APBB2: variants seen among roughly 807,000 people sequenced by gnomAD.
APBB2 encodes the protein amyloid beta precursor protein binding family B member 2.
Under a neutral mutation model 82.5 loss-of-function variants are expected in APBB2, and 38 were observed. That is an observed-to-expected ratio of 0.46 (90% CI 0.36 to 0.60). APBB2 has a LOEUF of 0.60. APBB2 is among the 20% of genes least tolerant of loss of function. The probability of loss-of-function intolerance (pLI) is 0.00; values close to 1 mark genes in which losing one functional copy is unlikely to be tolerated. For synonymous variants in APBB2, 341 were observed against 368.2 expected (o/e 0.93, Z 0.85); for missense variants, 772 against 972.3 (o/e 0.79, Z 2.74).
intron 2 of APBB2, among the ~76,000 whole-genome samples, chr4:41,136,034 T>C (rs1408867525): frequency 6.6e-6 from 1 of 152,228 alleles, no homozygotes. Flanking sequence ...CTGATTTTGC[T>C]TCATCTGCAA....
At chr4:40,855,689 T>C (rs963284219) in intron 12 of APBB2, among the ~76,000 whole-genome samples, 4 of 151,908 alleles carry the variant, frequency 2.6e-5, no homozygotes, top group Non-Finnish European at 5.9e-5. Context: ...TGAGCCGAGA[T>C]TGTGCCACTG....
rs561857557 is a variant in APBB2 at position 41,067,185 on chromosome 4, G to A, written c.-148-1512C>T. ...AGCACTTTGGGAGGCCAAGGCAGGC[G>A]GATCACCTGAGGTCGGGAGTTCGGG... On this transcript the variant is annotated intron_variant, in intron 3 of 17. Coordinates refer to ENST00000508593, the MANE Select transcript of APBB2 (RefSeq NM_004307.2). 7.9e-5 allele frequency among the ~76,000 whole-genome samples: 12 copies of A among 152,230 alleles called. 1 individual carries two copies. Among genetic ancestry groups the A allele is most frequent in the South Asian group, 4.1e-4 (2 of 4,824 alleles).
At chr4:40,946,405 CCA>C (rs1231073694) in intron 6 of APBB2, among the ~76,000 whole-genome samples, 1 of 152,066 alleles carries the variant, frequency 6.6e-6, no homozygotes, top group Non-Finnish European at 1.5e-5. Context: ...CCTGCAAAGT[CCA>C]GTCATCCCAA....
At chr4:41,021,181 G>A (rs1449947803) in intron 5 of APBB2, among the ~76,000 whole-genome samples, 2 of 152,130 alleles carry the variant, frequency 1.3e-5, no homozygotes, top group Admixed American at 6.5e-5. Context: ...AACTTCTACC[G>A]AGGACCCCTG....
At chr4:40,842,087 C>T (rs1286533456) in intron 12 of APBB2, among the ~76,000 whole-genome samples, 1 of 152,210 alleles carries the variant, frequency 6.6e-6, no homozygotes, top group Non-Finnish European at 1.5e-5. Context: ...TTTTCTCAGT[C>T]GTTAGTGAGT....
chr4:40,948,096 A>G (rs10019038), intron 6 of APBB2, among the ~76,000 whole-genome samples: 146,147 of 152,264 alleles, frequency 0.96, 70,344 homozygotes, highest in South Asian at 1. Flanking sequence ...TGGATAAAAA[A>G]AAATATAATA....
chr4:41,066,420 G>A (rs920359546), intron 3 of APBB2, among the ~76,000 whole-genome samples: 1 of 152,180 alleles, frequency 6.6e-6, no homozygotes, highest in East Asian at 1.9e-4. Context: ...GCTAAGCACT[G>A]TAGCTACAAA....
intron 2 of APBB2, among the ~76,000 whole-genome samples, chr4:41,136,662 C>T (rs890644094): frequency 2.6e-5 from 4 of 152,140 alleles, no homozygotes; most frequent in Non-Finnish European, 5.9e-5. Flanking sequence ...GACCTACTAA[C>T]GGCACTGCAG....
intron 3 of APBB2, among the ~76,000 whole-genome samples, chr4:41,069,293 T>C (rs1377885930): frequency 6.6e-6 from 1 of 152,194 alleles, no homozygotes; most frequent in East Asian, 1.9e-4. Flanking sequence ...CCCACTGTGA[T>C]CTCCTGAACG....
At chr4:41,191,355 C>T (rs762232396) in intron 1 of APBB2, among the ~76,000 whole-genome samples, 8 of 152,192 alleles carry the variant, frequency 5.3e-5, no homozygotes, top group Non-Finnish European at 1.0e-4. Flanking sequence ...ACCTGGTGTC[C>T]ACTGACAACA....
At chr4:41,208,145 C>T (rs1343671040) in intron 1 of APBB2, among the ~76,000 whole-genome samples, 10 of 152,192 alleles carry the variant, frequency 6.6e-5, no homozygotes, top group Non-Finnish European at 1.2e-4. Context: ...TCCAGTAATG[C>T]CAGGCCTTCC....
At chr4:41,185,069 T>C (rs1772522760) in intron 1 of APBB2, among the ~76,000 whole-genome samples, 1 of 152,216 alleles carries the variant, frequency 6.6e-6, no homozygotes, top group African/African-American at 2.4e-5. Context: ...TGTTTCATTG[T>C]ATCCCCAAAG....
intron 1 of APBB2, among the ~76,000 whole-genome samples, chr4:41,192,424 G>A (rs1458881127): frequency 6.6e-6 from 1 of 152,176 alleles, no homozygotes; most frequent in Non-Finnish European, 1.5e-5. Flanking sequence ...TAAAGAAACT[G>A]TGATATATTC....
intron 10 of APBB2, among the ~76,000 whole-genome samples, chr4:40,920,606 T>C (rs1431838995): frequency 6.6e-6 from 1 of 152,176 alleles, no homozygotes; most frequent in East Asian, 1.9e-4. Context: ...ACGCAGTGGC[T>C]CATGCCTGTA....
chr4:41,086,566 C>T (rs938778441), intron 3 of APBB2, among the ~76,000 whole-genome samples: 2 of 152,136 alleles, frequency 1.3e-5, no homozygotes, highest in African/African-American at 4.8e-5. Flanking sequence ...GGAAAAAACA[C>T]ATCATCATCT....
At chr4:40,979,243 T>C (rs1797913291) in intron 6 of APBB2, among the ~76,000 whole-genome samples, 1 of 152,190 alleles carries the variant, frequency 6.6e-6, no homozygotes, top group Admixed American at 6.5e-5. Context: ...TTTATGGAGT[T>C]GCTAGCAACT....
At chr4:41,065,125 A>C (rs1731261406) in intron 4 of APBB2, among the ~76,000 whole-genome samples, 1 of 152,068 alleles carries the variant, frequency 6.6e-6, no homozygotes. Context: ...CATCTCTACA[A>C]AAAATAAACA....
chr4:41,210,152 A>G (rs934757270), intron 1 of APBB2, among the ~76,000 whole-genome samples: 6 of 152,142 alleles, frequency 3.9e-5, no homozygotes, highest in South Asian at 2.1e-4. Flanking sequence ...CTCCTGCTCT[A>G]TGGCCCGGTT....
intron 1 of APBB2, among the ~76,000 whole-genome samples, chr4:41,154,685 C>A (rs1763042977): frequency 6.6e-6 from 1 of 152,226 alleles, no homozygotes; most frequent in Non-Finnish European, 1.5e-5. Context: ...GTCACTTATA[C>A]TGGTTCAGAA....
Sources: allele counts gnomAD v4.1 joint callset (sites outside exome capture counted in the v4.1 genomes callset), GRCh38; gene constraint gnomAD v4.1.1; transcripts MANE v1.5; gene names NCBI Gene and HGNC (gene_info 2026-07-23, HGNC 2026-07-21).